CGRRF1: variants seen among roughly 807,000 people sequenced by gnomAD.
CGRRF1 encodes the protein cell growth regulator with RING finger domain protein 1.
CGRRF1 carries 32 observed loss-of-function variants against 37.2 expected under a neutral mutation model. The ratio of observed to expected loss-of-function variants is 0.86; its 90% CI spans 0.65 to 1.16. CGRRF1 has a LOEUF of 1.16. Ranked by LOEUF, CGRRF1 falls within the 50% of genes most tolerant of loss-of-function variation. The probability of loss-of-function intolerance (pLI) is 0.00; values close to 1 mark genes in which losing one functional copy is unlikely to be tolerated. For synonymous variants in CGRRF1, 141 were observed against 140.3 expected (o/e 1.00, Z -0.04); for missense variants, 391 against 382.6 (o/e 1.02, Z -0.18).
chr14:54,516,796 A>G (rs2032225402), intron 1 of CGRRF1, among the ~76,000 whole-genome samples: 3 of 152,146 alleles, frequency 2.0e-5, no homozygotes, highest in Admixed American at 6.5e-5. Flanking sequence ...CTTCAGTTAC[A>G]TGGCTGACTA....
At chr14:54,513,613 TATGTA>T (rs1171468758) in intron 1 of CGRRF1, among the ~76,000 whole-genome samples, 11 of 61,356 alleles carry the variant, frequency 1.8e-4, no homozygotes, top group Admixed American at 9.8e-4. Context: ...TATGTTATGT[TATGTA>T]ATGTTATGTT....
chr14:54,518,556 A>T (rs928108332), intron 1 of CGRRF1, among the ~76,000 whole-genome samples: 6 of 150,966 alleles, frequency 4.0e-5, no homozygotes, highest in African/African-American at 1.5e-4. Flanking sequence ...ATCTCAAAAA[A>T]AAAAAAGAAA....
chr14:54,509,955 C>A lies in CGRRF1; in HGVS notation c.-5C>A, dbSNP rs371219880. ...GAGCCGGGCTCTACCCAGAGCAAGA[C>A]CCTGATGGCTGCGGTGTTTCTGGTA... On this transcript the variant is annotated 5_prime_UTR_variant, in exon 1 of 6. Coordinates refer to ENST00000216420, the MANE Select transcript of CGRRF1 (RefSeq NM_006568.3). The A allele has an allele frequency of 1.2e-5, 19 of 1,608,684 alleles. No homozygotes were observed. Among genetic ancestry groups the A allele is most frequent in the Non-Finnish European group, 1.5e-5 (18 of 1,175,102 alleles).
At chr14:54,528,365 T>A (rs1333122448) in intron 2 of CGRRF1, among the ~76,000 whole-genome samples, 2 of 152,110 alleles carry the variant, frequency 1.3e-5, no homozygotes, top group Non-Finnish European at 2.9e-5. Flanking sequence ...ATTCATTTAA[T>A]CCGCATTGAT....
intron 2 of CGRRF1, chr14:54,523,063 G>C (rs1387473357): frequency 6.5e-6 from 1 of 153,948 alleles, no homozygotes; most frequent in Non-Finnish European, 1.4e-5. Flanking sequence ...CACCTCCCGG[G>C]TTCAAGCGAT....
chr14:54,522,787 T>C (rs2032343804), intron 2 of CGRRF1, among the ~76,000 whole-genome samples, 194 bp downstream of exon 2: 1 of 152,212 alleles, frequency 6.6e-6, no homozygotes, highest in African/African-American at 2.4e-5. Context: ...TCCTGAAGAA[T>C]TTATCACCTA....
intron 1 of CGRRF1, among the ~76,000 whole-genome samples, chr14:54,515,018 A>G (rs2032191156): frequency 6.6e-6 from 1 of 151,046 alleles, no homozygotes; most frequent in East Asian, 1.9e-4. Context: ...ATCCAAATAT[A>G]TTCTCTCTTT....
intron 2 of CGRRF1, 35 bp downstream of exon 2, chr14:54,522,628 G>C (rs1459635326): frequency 1.3e-6 from 2 of 1,550,568 alleles, no homozygotes; most frequent in Admixed American, 4.4e-5. Context: ...TTCTCTCATT[G>C]TTTGCCCTCT....
chr14:54,521,531 A>G (rs1003907056), intron 1 of CGRRF1, among the ~76,000 whole-genome samples: 2 of 150,916 alleles, frequency 1.3e-5, no homozygotes, highest in East Asian at 3.9e-4. Flanking sequence ...GAGAGACGAA[A>G]TCTTGCTCTG....
intron 1 of CGRRF1, among the ~76,000 whole-genome samples, chr14:54,522,155 T>C (rs188205421): frequency 6.6e-6 from 1 of 152,362 alleles, no homozygotes; most frequent in East Asian, 1.9e-4. Flanking sequence ...TTACACCTAA[T>C]GTAAATGCTG....
At chr14:54,521,659 C>T (rs927426875) in intron 1 of CGRRF1, among the ~76,000 whole-genome samples, 6 of 151,678 alleles carry the variant, frequency 4.0e-5, no homozygotes, top group African/African-American at 1.5e-4. Flanking sequence ...TCCACGCCAC[C>T]ATGCCCAGCT....
chr14:54,528,282 G>T (rs958934233), intron 2 of CGRRF1, among the ~76,000 whole-genome samples: 1 of 148,012 alleles, frequency 6.8e-6, no homozygotes, highest in African/African-American at 2.5e-5. Context: ...GCACGATCTC[G>T]GCTCACTGTA....
intron 1 of CGRRF1, among the ~76,000 whole-genome samples, chr14:54,518,550 CAAA>C (rs1278275586): frequency 9.5e-6 from 1 of 105,568 alleles, no homozygotes; most frequent in Non-Finnish European, 2.0e-5. Context: ...AACTCCATCT[CAAA>C]AAAAAAAAAG....
chr14:54,513,303 T>G (rs1232016160), intron 1 of CGRRF1, among the ~76,000 whole-genome samples: 3 of 152,188 alleles, frequency 2.0e-5, no homozygotes, highest in Non-Finnish European at 4.4e-5. Context: ...ATAAAATTAT[T>G]TCTGAAGCTG....
chr14:54,520,499 G>T (rs182333856), intron 1 of CGRRF1, among the ~76,000 whole-genome samples: 1 of 152,246 alleles, frequency 6.6e-6, no homozygotes, highest in Non-Finnish European at 1.5e-5. Flanking sequence ...TACAGCTTAA[G>T]CCTCTGTCAA....
chr14:54,515,044 G>T (rs1408759065), intron 1 of CGRRF1, among the ~76,000 whole-genome samples: 1 of 150,110 alleles, frequency 6.7e-6, no homozygotes, highest in Non-Finnish European at 1.5e-5. Context: ...ATGTCCTAAT[G>T]CACTTAAAAA....
At chr14:54,522,895 G>A (rs945194777) in intron 2 of CGRRF1, among the ~76,000 whole-genome samples, 1 of 152,228 alleles carries the variant, frequency 6.6e-6, no homozygotes, top group African/African-American at 2.4e-5. Context: ...TTATTGGTCT[G>A]TAGTAAAGTG....
At chr14:54,523,682 T>TC (rs1189153466) in intron 2 of CGRRF1, among the ~76,000 whole-genome samples, 2 of 152,180 alleles carry the variant, frequency 1.3e-5, no homozygotes, top group Non-Finnish European at 2.9e-5. Context: ...AGACTCAGGT[T>TC]CTTCCTATGG....
chr14:54,526,372 A>G (rs1468764415), intron 2 of CGRRF1, among the ~76,000 whole-genome samples: 1 of 151,488 alleles, frequency 6.6e-6, no homozygotes, highest in Non-Finnish European at 1.5e-5. Context: ...GATGGTCTCA[A>G]TCTCTTGACC....
Sources: allele counts gnomAD v4.1 joint callset (sites outside exome capture counted in the v4.1 genomes callset), GRCh38; gene constraint gnomAD v4.1.1; transcripts MANE v1.5; gene names NCBI Gene and HGNC (gene_info 2026-07-23, HGNC 2026-07-21).